The following PCDHGA3 variants were observed in gnomAD, a reference collection of about 807,000 sequenced individuals.
PCDHGA3 encodes the protein protocadherin gamma-A3.
Under a neutral mutation model 58.5 loss-of-function variants are expected in PCDHGA3, and 40 were observed. The ratio of observed to expected loss-of-function variants is 0.68; its 90% CI spans 0.53 to 0.89. PCDHGA3 has a LOEUF of 0.89. Among genes scored for constraint, PCDHGA3 ranks in the 40% least tolerant of loss-of-function variants. The probability of loss-of-function intolerance (pLI) is 0.00; values close to 1 mark genes in which losing one functional copy is unlikely to be tolerated. For synonymous variants in PCDHGA3, 530 were observed against 525.7 expected, an observed-to-expected ratio of 1.01 and a Z score of -0.11; for missense variants, 1,223 against 1,195.9, an observed-to-expected ratio of 1.02 and a Z score of -0.33.
Position 141,427,970 on chromosome 5 carries a change from C to A in PCDHGA3, c.2425-66837C>A, listed in dbSNP as rs760792774. On this transcript the variant is annotated intron_variant, in intron 1 of 3. Coordinates refer to ENST00000253812, the MANE Select transcript of PCDHGA3 (RefSeq NM_018916.4). ...ATGACAATGTGCCGCGGGTGCTGTA[C>A]CCCGCGCTGGGGCCCGATGGCTCCG... 1.9e-6 allele frequency: 3 copies of A among 1,592,510 alleles called. No individual in the cohort carries two copies. The Admixed American group carries it at 5.0e-5, about 27-fold the overall frequency.
intron 1 of PCDHGA3, chr5:141,419,335 T>C: frequency 6.2e-7 from 1 of 1,613,886 alleles, no homozygotes; most frequent in Non-Finnish European, 8.5e-7. Context: ...ACTCTCTCAT[T>C]GCCAGCGACC....
chr5:141,499,322 T>C (rs1186220818), intron 2 of PCDHGA3, among the ~76,000 whole-genome samples: 1 of 152,218 alleles, frequency 6.6e-6, no homozygotes, highest in Non-Finnish European at 1.5e-5. Context: ...ACAGTATCCC[T>C]GCTCTCTCTC....
chr5:141,490,045 C>T lies in PCDHGA3; in HGVS notation c.2425-4762C>T, dbSNP rs530803072. On this transcript the variant is annotated intron_variant, in intron 1 of 3. Transcript: ENST00000253812. The surrounding 1 kb of genome is among the most constrained non-coding windows in gnomAD (Gnocchi z 5.4). ...GCTGCTCCGCCTCAATGCCACTGAT[C>T]CAGACGAGGGCACCAACGGCCAACT... 1.2e-5 allele frequency: 19 copies of T among 1,614,114 alleles called. No individual in the cohort carries two copies. Among genetic ancestry groups the T allele is most frequent in the Admixed American group, 1.2e-4 (7 of 60,014 alleles).
Position 141,432,465 on chromosome 5 carries a change from C to G in PCDHGA3, c.2425-62342C>G. ...GAGATCCTGTACCCCGCCCTCCCCACGGACGGTTCCACTGGCGTGGAGCTG... is the reference window on the plus strand; with the variant it reads ...GAGATCCTGTACCCCGCCCTCCCCAGGGACGGTTCCACTGGCGTGGAGCTG... On this transcript the variant is annotated intron_variant, in intron 1 of 3. Transcript: ENST00000253812. The surrounding 1 kb of genome is among the most constrained non-coding windows in gnomAD (Gnocchi z 6.0). The G allele has an allele frequency of 6.2e-7, 1 of 1,614,222 alleles. No individual in the cohort carries two copies. Among genetic ancestry groups the G allele is most frequent in the Non-Finnish European group, 8.5e-7 (1 of 1,180,050 alleles).
intron 1 of PCDHGA3, chr5:141,371,489 C>T (rs548103153): frequency 1.9e-6 from 3 of 1,613,918 alleles, no homozygotes; most frequent in Non-Finnish European, 2.5e-6. Context: ...TGGGGACTGC[C>T]GTTGCCCTGA....
rs1404656316 is a variant in PCDHGA3 at position 141,486,648 on chromosome 5, A to G, written c.2425-8159A>G. 6.2e-7 allele frequency: 1 copy of G among 1,613,298 alleles called. No individual in the cohort carries two copies. The highest frequency in any genetic ancestry group is 8.5e-7 in the Non-Finnish European group (1 of 1,179,892). The stretch of plus-strand genomic sequence containing the variant: ...TCTGGCTTGAATGCGCTTATCTCCT[A>G]CTCACTCCTGGAGCCCAGGAATCGA... On this transcript the variant is annotated intron_variant, in intron 1 of 3. Coordinates refer to ENST00000253812, the MANE Select transcript of PCDHGA3 (RefSeq NM_018916.4). This position sits in a 1 kb window ranked among gnomAD's most constrained non-coding sequence, Gnocchi z 5.0.
At position 141,511,260 on chromosome 5, in the gene PCDHGA3, G is replaced by A; in HGVS notation, c.*87G>A. 6.4e-7 allele frequency: 1 copy of A among 1,558,596 alleles called. No individual in the cohort carries two copies. Among genetic ancestry groups the A allele is most frequent in the Non-Finnish European group, 8.7e-7 (1 of 1,151,758 alleles). On this transcript the variant is annotated 3_prime_UTR_variant, in exon 4 of 4. Transcript: ENST00000253812. ...CCTGCACCCAGGCCTCAGAGTTTCA[G>A]GGCTAACCCCCAGAATACTGGTAGG...
At chr5:141,441,852 G>A in intron 1 of PCDHGA3, 1 of 352,826 alleles carries the variant, frequency 2.8e-6, no homozygotes, top group South Asian at 2.4e-5. Flanking sequence ...TGGATATGGT[G>A]CTGCACGCCG....
chr5:141,444,240 C>T (rs1017550385), intron 1 of PCDHGA3, among the ~76,000 whole-genome samples: 4 of 128,690 alleles, frequency 3.1e-5, no homozygotes, highest in African/African-American at 5.9e-5. Context: ...GGCATGCTCT[C>T]GGCTCACTGC....
At chr5:141,371,265 C>A in intron 1 of PCDHGA3, 1 of 1,614,024 alleles carries the variant, frequency 6.2e-7, no homozygotes, top group Non-Finnish European at 8.5e-7. Context: ...AGTGAGACAA[C>A]TGTTCAAGCT....
chr5:141,422,331 T>C (rs768333038), intron 1 of PCDHGA3: 1 of 1,548,508 alleles, frequency 6.5e-7, no homozygotes, highest in South Asian at 1.3e-5. Context: ...CAGTGATTGC[T>C]CTTCTAAATG....
At chr5:141,460,047 C>T (rs2098981053) in intron 1 of PCDHGA3, among the ~76,000 whole-genome samples, 1 of 152,102 alleles carries the variant, frequency 6.6e-6, no homozygotes. Context: ...CACTGCACTC[C>T]AGCCTGGGCA....
intron 1 of PCDHGA3, chr5:141,418,454 ACTCTG>A (rs2096260396): frequency 3.1e-6 from 5 of 1,613,892 alleles, no homozygotes; most frequent in Non-Finnish European, 4.2e-6. Context: ...ATTGCAGAAG[ACTCTG>A]GACCGAGAAA....
intron 1 of PCDHGA3, chr5:141,371,812 A>G: frequency 6.2e-7 from 1 of 1,613,904 alleles, no homozygotes; most frequent in Non-Finnish European, 8.5e-7. Flanking sequence ...TCCATTGCGC[A>G]TGTCAGAGCC....
At chr5:141,419,246 GAAAACAACCAGCC>G (rs749331717) in intron 1 of PCDHGA3, 1 of 1,614,004 alleles carries the variant, frequency 6.2e-7, no homozygotes, top group South Asian at 1.1e-5. Flanking sequence ...CCACGTGCCA[GAAAACAACCAGCC>G]GGGTGCCTCC....
chr5:141,409,997 G>T, intron 1 of PCDHGA3: 3 of 1,613,224 alleles, frequency 1.9e-6, no homozygotes, highest in Non-Finnish European at 2.5e-6. Flanking sequence ...CGCCGACTCG[G>T]GACACAACGC....
intron 2 of PCDHGA3, among the ~76,000 whole-genome samples, chr5:141,502,124 A>G (rs4912762): frequency 0.55 from 83,213 of 152,012 alleles, 23,486 homozygotes; most frequent in African/African-American, 0.67. Flanking sequence ...CCAGGCCCAC[A>G]GAGCTCAGTC....
At chr5:141,364,582 G>T (rs1379738059) in intron 1 of PCDHGA3, 1 of 1,614,088 alleles carries the variant, frequency 6.2e-7, no homozygotes, top group African/African-American at 1.3e-5. Flanking sequence ...GCGGCAGCTT[G>T]GTCACCGCGG....
intron 2 of PCDHGA3, among the ~76,000 whole-genome samples, chr5:141,501,333 A>ACACC (rs1186649373): frequency 5.5e-4 from 77 of 140,128 alleles, no homozygotes; most frequent in African/African-American, 6.0e-4. Context: ...ACACACACAC[A>ACACC]CCCCAAACTC....
Sources: gnomAD v4.1 joint callset for allele counts (sites outside exome capture counted in the v4.1 genomes callset) on GRCh38, gnomAD v4.1.1 for gene constraint, Gnocchi (gnomAD v3.1) non-coding constraint, MANE v1.5 for transcripts, NCBI Gene and HGNC (gene_info 2026-07-23, HGNC 2026-07-21) for gene names.